Variants in PLCE1 observed in about 807,000 individuals in gnomAD.
The protein encoded by PLCE1 is 1-phosphatidylinositol 4,5-bisphosphate phosphodiesterase epsilon-1.
A neutral mutation model predicts 242.8 loss-of-function variants in PLCE1; 119 were observed. That is an observed-to-expected ratio of 0.49 (90% CI 0.42 to 0.57). PLCE1 has a LOEUF of 0.57. Among genes scored for constraint, PLCE1 ranks in the 20% least tolerant of loss-of-function variants. The probability of loss-of-function intolerance (pLI) is 0.00; values close to 1 mark genes in which losing one functional copy is unlikely to be tolerated. For synonymous variants in PLCE1, 945 were observed against 1,017.4 expected (o/e 0.93, Z 1.35); for missense variants, 2,441 against 2,788.8 (o/e 0.88, Z 2.81).
At chr10:94,245,888 C>T in intron 7 of PLCE1, 58 bp from the exon 8 acceptor site, 1 of 1,365,894 alleles carries the variant, frequency 7.3e-7, no homozygotes, top group South Asian at 1.2e-5. Context: ...GTGAAAATGT[C>T]TTTGGGTTGT....
intron 28 of PLCE1, chr10:94,315,421 G>A: frequency 2.2e-6 from 1 of 456,052 alleles, no homozygotes; most frequent in Non-Finnish European, 4.4e-6. Context: ...TTTCTTCACT[G>A]CAACTGACCT....
chr10:94,220,592 G>A (rs1011969504), intron 4 of PLCE1, among the ~76,000 whole-genome samples: 16 of 151,520 alleles, frequency 1.1e-4, no homozygotes, highest in South Asian at 2.1e-4. Flanking sequence ...TGTTAGTTAG[G>A]AAGTGGGATT....
At chr10:94,221,410 A>G (rs1189189370) in intron 4 of PLCE1, among the ~76,000 whole-genome samples, 1 of 152,204 alleles carries the variant, frequency 6.6e-6, no homozygotes, top group Non-Finnish European at 1.5e-5. Flanking sequence ...GAGGATAGGT[A>G]TGGATGTGCA....
intron 3 of PLCE1, among the ~76,000 whole-genome samples, chr10:94,166,476 G>A (rs548717040): frequency 6.6e-6 from 1 of 152,098 alleles, no homozygotes; most frequent in African/African-American, 2.4e-5. Flanking sequence ...TGATCAGAAG[G>A]TTGCTCAGCT....
intron 4 of PLCE1, among the ~76,000 whole-genome samples, chr10:94,180,402 T>C (rs2048275730): frequency 2.6e-5 from 4 of 152,136 alleles, no homozygotes; most frequent in Non-Finnish European, 5.9e-5. Context: ...TATTAGAGCA[T>C]GGGGGATAAT....
At chr10:94,317,112 G>A (rs11187856) in intron 29 of PLCE1, among the ~76,000 whole-genome samples, 10,108 of 152,126 alleles carry the variant, frequency 0.066, 469 homozygotes, top group East Asian at 0.19. Context: ...TTAGCCAGGC[G>A]TGGTGGCAGG....
At chr10:94,209,600 G>T (rs1237362263) in intron 4 of PLCE1, among the ~76,000 whole-genome samples, 1 of 152,176 alleles carries the variant, frequency 6.6e-6, no homozygotes, top group Non-Finnish European at 1.5e-5. Flanking sequence ...CATGAGGCTG[G>T]TTATAATGTA....
At chr10:94,192,659 T>C (rs1421569554) in intron 4 of PLCE1, among the ~76,000 whole-genome samples, 1 of 152,212 alleles carries the variant, frequency 6.6e-6, no homozygotes, top group Admixed American at 6.5e-5. Context: ...ATGTGTCTTT[T>C]TGGTAGAACG....
At chr10:94,116,370 G>A (rs1436447391) in intron 2 of PLCE1, among the ~76,000 whole-genome samples, 1 of 152,198 alleles carries the variant, frequency 6.6e-6, no homozygotes, top group Non-Finnish European at 1.5e-5. Context: ...CATGGCATTG[G>A]TAGGAAAAGG....
chr10:94,034,251 G>A (rs565778944), intron 2 of PLCE1, among the ~76,000 whole-genome samples: 1 of 152,312 alleles, frequency 6.6e-6, no homozygotes, highest in East Asian at 1.9e-4. Flanking sequence ...AATTTGAGGT[G>A]AGATTTGGGT....
At chr10:94,231,843 C>A (rs2050156933) in intron 5 of PLCE1, among the ~76,000 whole-genome samples, 1 of 152,150 alleles carries the variant, frequency 6.6e-6, no homozygotes, top group South Asian at 2.1e-4. Context: ...CACTGCTGAT[C>A]TGACAGCAGG....
At chr10:94,066,340 T>C (rs944560607) in intron 2 of PLCE1, among the ~76,000 whole-genome samples, 10 of 152,258 alleles carry the variant, frequency 6.6e-5, no homozygotes, top group Non-Finnish European at 1.5e-4. Flanking sequence ...TCAGTTAATA[T>C]TTATTCAATT....
Position 94,171,429 on chromosome 10 carries a change from C to T in PLCE1, c.1742C>T (p.Ala581Val), listed in dbSNP as rs1472959016. 4.3e-6 allele frequency: 7 copies of T among 1,614,170 alleles called. No homozygotes were observed. Among genetic ancestry groups the T allele is most frequent in the South Asian group, 1.1e-5 (1 of 91,080 alleles). ...SLPCLKASIS[A>V]SILTTQNGEH... ...CCCTGCCTCAAAGCATCCATCTCAG[C>T]GTCGATTCTTACCACTCAGAATGGA... The change falls in exon 4 of 33, where the codon GCG (alanine) becomes GTG (valine). Residue 581 changes from alanine (A) to valine (V), a missense_variant. Transcript: ENST00000371380.
intron 3 of PLCE1, among the ~76,000 whole-genome samples, chr10:94,160,713 G>A (rs1324769790): frequency 6.6e-6 from 1 of 152,140 alleles, no homozygotes; most frequent in East Asian, 1.9e-4. Flanking sequence ...GTCCTGAATG[G>A]TATTGCCTAG....
At chr10:94,272,248 C>A (rs1323706492) in intron 18 of PLCE1, among the ~76,000 whole-genome samples, 1 of 152,120 alleles carries the variant, frequency 6.6e-6, no homozygotes, top group South Asian at 2.1e-4. Flanking sequence ...TGTTTATAGA[C>A]CTCCCCCCAG....
intron 2 of PLCE1, among the ~76,000 whole-genome samples, chr10:94,114,319 G>A (rs555402149): frequency 6.6e-6 from 1 of 152,188 alleles, no homozygotes; most frequent in African/African-American, 2.4e-5. Context: ...CAGTGAGACA[G>A]ATGAGTATAG....
At chr10:94,093,933 T>TA (rs1302184675) in intron 2 of PLCE1, among the ~76,000 whole-genome samples, 19 of 139,384 alleles carry the variant, frequency 1.4e-4, no homozygotes, top group African/African-American at 5.4e-4. Flanking sequence ...AATCGGTATT[T>TA]CTTTTTTTTT....
intron 2 of PLCE1, among the ~76,000 whole-genome samples, chr10:94,118,976 T>A (rs2046223317): frequency 6.6e-6 from 1 of 152,146 alleles, no homozygotes; most frequent in Non-Finnish European, 1.5e-5. Context: ...CTTACAAAAG[T>A]GGAGAGAAAG....
At chr10:94,321,868 T>C (rs1440643168) in intron 29 of PLCE1, 33 bp from the exon 30 acceptor site, 4 of 1,531,172 alleles carry the variant, frequency 2.6e-6, no homozygotes, top group Non-Finnish European at 3.6e-6. Flanking sequence ...CATAAACCTA[T>C]TATTTACTCA....
Sources: gnomAD v4.1 joint callset for allele counts (sites outside exome capture counted in the v4.1 genomes callset) on GRCh38, gnomAD v4.1.1 for gene constraint, MANE v1.5 for transcripts, NCBI Gene and HGNC (gene_info 2026-07-23, HGNC 2026-07-21) for gene names.